ROR1: variants seen among roughly 807,000 people sequenced by gnomAD.
ROR1 encodes the protein ROR family WNT receptor 1, also known as inactive tyrosine-protein kinase transmembrane receptor ROR1.
In ROR1, 19 loss-of-function variants were observed where a neutral mutation model predicts 78.8. The observed-to-expected ratio is 0.24, with a 90% CI of 0.17 to 0.35. ROR1 has a LOEUF of 0.35. Ranked by LOEUF, ROR1 falls within the 10% of genes least tolerant of loss-of-function variation. ROR1 has a pLI of 1.00. For synonymous variants in ROR1, 386 were observed against 433.6 expected (o/e 0.89, Z 1.36); for missense variants, 917 against 1,177.8 (o/e 0.78, Z 3.24).
chr1:64,059,568 G>A (rs1646900566), intron 4 of ROR1, among the ~76,000 whole-genome samples: 1 of 151,992 alleles, frequency 6.6e-6, no homozygotes, highest in South Asian at 2.1e-4. Flanking sequence ...AATTAGCCAG[G>A]CATGGTGGCA....
chr1:64,029,968 A>G (rs1049611253), intron 2 of ROR1, among the ~76,000 whole-genome samples: 2 of 152,146 alleles, frequency 1.3e-5, no homozygotes, highest in Admixed American at 6.5e-5. Flanking sequence ...GTCATTTCCC[A>G]TGAAGCCTTC....
At chr1:64,062,990 A>T (rs1352009693) in intron 4 of ROR1, among the ~76,000 whole-genome samples, 1 of 152,188 alleles carries the variant, frequency 6.6e-6, no homozygotes, top group Non-Finnish European at 1.5e-5. Flanking sequence ...AAGAAAAAAC[A>T]TACACATTTT....
rs1649151447 is a variant in ROR1, at chr1:64,137,437, A to G, written c.551A>G (p.Asn184Ser). Residue 184 changes from asparagine (N) to serine (S), a missense_variant, in exon 5 of 9, where the codon AAC becomes AGC. Physicochemically the swap from Asn to Ser is conservative, Grantham distance 46 (BLOSUM62 1). This residue lies in a region of ROR1 where 835 missense variants were observed against 1,069.8 expected (regional missense o/e 0.78). Coordinates refer to ENST00000371079, the MANE Select transcript of ROR1 (RefSeq NM_005012.4). ...ATTGCATGTGCAAGATTTATTGGCA[A>G]CCGCACCGTCTATATGGAGTCTTTG... Reference protein sequence around the residue: ...RGIACARFIGNRTVYMESLHM... With the variant: ...RGIACARFIGSRTVYMESLHM... The G allele has an allele frequency of 1.2e-6, 2 of 1,614,034 alleles. No homozygotes were observed. The highest frequency in any genetic ancestry group is 1.7e-6 in the Non-Finnish European group (2 of 1,179,900).
At chr1:63,957,676 C>T (rs1449991471) in intron 1 of ROR1, among the ~76,000 whole-genome samples, 1 of 151,988 alleles carries the variant, frequency 6.6e-6, no homozygotes, top group South Asian at 2.1e-4. Flanking sequence ...ATTCATCTAA[C>T]GTTTGTCTAC....
chr1:64,070,510 G>A (rs749860212), intron 4 of ROR1, among the ~76,000 whole-genome samples: 2 of 151,968 alleles, frequency 1.3e-5, no homozygotes, highest in Non-Finnish European at 2.9e-5. Context: ...TATAGAGATG[G>A]GATCCCACCA....
rs539653861 is a variant in ROR1, at chr1:63,949,241, A to T, written c.92-60064A>T. Among the ~76,000 whole-genome samples the T allele has an allele frequency of 2.4e-4, 36 of 152,236 alleles. 1 individual carries two copies. In the South Asian group the frequency reaches 7.5e-3, roughly 32 times the overall value. Reference sequence around the variant, plus strand: ...CTAAAATAGACGAAATCAGGTCCGAATTCAATTTCATCAGGTGATTTTTCC... The same window carrying T: ...CTAAAATAGACGAAATCAGGTCCGATTTCAATTTCATCAGGTGATTTTTCC... On this transcript the variant is annotated intron_variant, in intron 1 of 8. Transcript: ENST00000371079.
intron 7 of ROR1, among the ~76,000 whole-genome samples, chr1:64,151,882 CAA>C (rs36006598): frequency 7.1e-6 from 1 of 141,148 alleles, no homozygotes; most frequent in African/African-American, 2.7e-5. Flanking sequence ...CACTCCGTCT[CAA>C]AAAAAAAAAA....
chr1:64,031,634 C>A (rs1384430170), intron 2 of ROR1, among the ~76,000 whole-genome samples: 4 of 152,194 alleles, frequency 2.6e-5, no homozygotes, highest in Non-Finnish European at 5.9e-5. Context: ...AAATACATAA[C>A]CCTTTTTGTC....
At chr1:63,853,208 T>G (rs1645125158) in intron 1 of ROR1, among the ~76,000 whole-genome samples, 1 of 152,214 alleles carries the variant, frequency 6.6e-6, no homozygotes, top group Non-Finnish European at 1.5e-5. Context: ...GCTGCTAATG[T>G]TTTTTGAACT....
intron 1 of ROR1, among the ~76,000 whole-genome samples, chr1:64,006,331 G>A (rs907324468): frequency 3.3e-5 from 5 of 152,096 alleles, no homozygotes; most frequent in African/African-American, 7.2e-5. Context: ...TCTGGGTGTC[G>A]GGGTGTTTGA....
rs1220667051 is a variant in ROR1, at chr1:64,014,771, T to TAC, written c.163+5396_163+5397insCA. On this transcript the variant is annotated intron_variant, in intron 2 of 8. Transcript: ENST00000371079. ...ATATATATATATATATATATATATA[T>TAC]ATACACATTTTGTCCTGGTTTGCCT... Among the ~76,000 whole-genome samples the TAC allele has an allele frequency of 5.0e-4, 20 of 39,744 alleles. 2 individuals carry two copies. Among genetic ancestry groups the TAC allele is most frequent in the South Asian group, 3.7e-3 (2 of 540 alleles). 26.1% of individuals were successfully genotyped at this position (39,744 alleles called of 152,430 possible). A position where few individuals can be genotyped will look rare whatever the true frequency, so the allele number is the denominator to read the frequency against.
intron 1 of ROR1, among the ~76,000 whole-genome samples, chr1:63,893,416 T>TA (rs1557547955): frequency 6.6e-6 from 1 of 151,940 alleles, no homozygotes; most frequent in Non-Finnish European, 1.5e-5. Flanking sequence ...AAGAGGGGGG[T>TA]AAAAAAAGAA....
intron 1 of ROR1, among the ~76,000 whole-genome samples, chr1:63,872,976 G>T (rs1034182653): frequency 4.4e-4 from 67 of 152,032 alleles, no homozygotes; most frequent in Admixed American, 8.5e-4. Flanking sequence ...ATTTGAGAGG[G>T]TATTTACATT....
chr1:63,971,068 G>T (rs1646116220), intron 1 of ROR1, among the ~76,000 whole-genome samples: 1 of 152,158 alleles, frequency 6.6e-6, no homozygotes, highest in Non-Finnish European at 1.5e-5. Context: ...TACAGATGGG[G>T]GTCAGTCCCC....
At chr1:64,053,940 T>TTTTTATTTTATTTTATTTTATTTTA in intron 4 of ROR1, among the ~76,000 whole-genome samples, 2 of 144,436 alleles carry the variant, frequency 1.4e-5, no homozygotes, top group African/African-American at 5.9e-5. Flanking sequence ...TTTGTTTTTC[T>TTTTTATTTTATTTTATTTTATTTTA]TTTTGTTTTA....
At chr1:64,146,912 A>G (rs1243066061) in intron 7 of ROR1, among the ~76,000 whole-genome samples, 1 of 152,200 alleles carries the variant, frequency 6.6e-6, no homozygotes, top group East Asian at 1.9e-4. Flanking sequence ...AGGTATGATT[A>G]ACATATTTCA....
At chr1:63,817,794 GGA>G (rs1304769188) in intron 1 of ROR1, among the ~76,000 whole-genome samples, 1 of 152,138 alleles carries the variant, frequency 6.6e-6, no homozygotes, top group Non-Finnish European at 1.5e-5. Flanking sequence ...CTAGACTCTG[GGA>G]GAGTTTTGGA....
intron 1 of ROR1, among the ~76,000 whole-genome samples, chr1:63,875,565 A>G (rs563934599): frequency 6.6e-6 from 1 of 152,178 alleles, no homozygotes; most frequent in Non-Finnish European, 1.5e-5. Context: ...TTTACCTGGT[A>G]TGCCATGTTT....
intron 8 of ROR1, among the ~76,000 whole-genome samples, chr1:64,160,199 A>T (rs1649899129): frequency 6.6e-6 from 1 of 152,290 alleles, no homozygotes; most frequent in African/African-American, 2.4e-5. Context: ...ATTTTAGGAA[A>T]AAAAAGTCTT....
Sources: allele counts gnomAD v4.1 joint callset (sites outside exome capture counted in the v4.1 genomes callset), GRCh38; gene constraint gnomAD v4.1.1; regional missense constraint gnomAD v4.1.1; transcripts MANE v1.5; gene names NCBI Gene and HGNC (gene_info 2026-07-23, HGNC 2026-07-21).